TF: variants seen among roughly 807,000 people sequenced by gnomAD.
TF encodes the protein transferrin.
TF carries 55 observed loss-of-function variants against 82.4 expected under a neutral mutation model. That is an observed-to-expected ratio of 0.67 (90% CI 0.54 to 0.84). TF has a LOEUF of 0.84. TF is among the 40% of genes least tolerant of loss of function. The probability of loss-of-function intolerance (pLI) is 0.00; values close to 1 mark genes in which losing one functional copy is unlikely to be tolerated. For missense variants in TF, 737 were observed against 868.4 expected (o/e 0.85, Z 1.90); for synonymous variants, 332 against 332.6 (o/e 1.00, Z 0.02).
the TF span, among the ~76,000 whole-genome samples, chr3:133,689,142 A>G: frequency 6.6e-6 from 1 of 152,216 alleles, no homozygotes; most frequent in East Asian, 1.9e-4. Context: ...CCTGTCCAAC[A>G]TGGTGACACC....
the TF span, among the ~76,000 whole-genome samples, chr3:133,668,130 A>G: frequency 2.6e-5 from 4 of 152,210 alleles, no homozygotes; most frequent in East Asian, 7.7e-4. Context: ...GAGGTTGACA[A>G]TTACCACGTG....
the TF span, among the ~76,000 whole-genome samples, chr3:133,671,042 T>A: frequency 3.3e-4 from 50 of 152,294 alleles, no homozygotes; most frequent in African/African-American, 1.2e-3. Context: ...TGGCACAATT[T>A]GAAGTTCCAT....
chr3:133,705,621 A>G, the TF span, among the ~76,000 whole-genome samples: 1 of 152,206 alleles, frequency 6.6e-6, no homozygotes, highest in Admixed American at 6.5e-5. Context: ...CTGATACCCA[A>G]TGATACCTTG....
upstream of TF, among the ~76,000 whole-genome samples, chr3:133,741,709 A>G (rs1281092394): frequency 3.3e-5 from 5 of 152,226 alleles, no homozygotes; most frequent in Admixed American, 6.5e-5. Context: ...TTCCACTAAT[A>G]TGATATATTA....
At chr3:133,685,095 G>A in the TF span, among the ~76,000 whole-genome samples, 80,281 of 151,842 alleles carry the variant, frequency 0.53, 22,110 homozygotes, top group African/African-American at 0.69. Context: ...AGAACCAAAG[G>A]CAAAAACCAC....
intron 12 of TF, among the ~76,000 whole-genome samples, chr3:133,766,775 G>A (rs943450396): frequency 6.6e-6 from 1 of 152,120 alleles, no homozygotes; most frequent in African/African-American, 2.4e-5. Context: ...TCTATTCTGA[G>A]CATAAGACTT....
intron 16 of TF, chr3:133,777,493 A>G: frequency 2.0e-6 from 1 of 497,020 alleles, no homozygotes; most frequent in African/African-American, 1.9e-5. Context: ...TATTTCTAAG[A>G]AAAGGACTGG....
the TF span, among the ~76,000 whole-genome samples, chr3:133,694,776 C>G: frequency 6.6e-6 from 1 of 152,152 alleles, no homozygotes; most frequent in Non-Finnish European, 1.5e-5. Flanking sequence ...ACTCCATGCT[C>G]CATAAGAGAA....
chr3:133,697,008 G>A, the TF span, among the ~76,000 whole-genome samples: 9 of 152,128 alleles, frequency 5.9e-5, no homozygotes, highest in Admixed American at 2.6e-4. Flanking sequence ...TGCTACTTGA[G>A]GAGAATTTTA....
At chr3:133,711,911 T>G in the TF span, among the ~76,000 whole-genome samples, 3 of 152,124 alleles carry the variant, frequency 2.0e-5, no homozygotes, top group Admixed American at 6.5e-5. Flanking sequence ...AGGCTCTCTG[T>G]GCCGTGCCTC....
the TF span, among the ~76,000 whole-genome samples, chr3:133,682,842 A>G: frequency 1.3e-5 from 2 of 152,196 alleles, no homozygotes; most frequent in East Asian, 3.8e-4. Flanking sequence ...ATTCAAATTC[A>G]GGAAATACAG....
the TF span, among the ~76,000 whole-genome samples, chr3:133,718,029 G>A: frequency 8.5e-5 from 13 of 152,092 alleles, no homozygotes; most frequent in South Asian, 4.2e-4. Flanking sequence ...ATGGGAGCAC[G>A]TTTAATCATG....
intron 10 of TF, 53 bp from the exon 11 acceptor site, chr3:133,764,822 C>A: frequency 6.4e-7 from 1 of 1,574,212 alleles, no homozygotes; most frequent in South Asian, 1.1e-5. Flanking sequence ...GGCATGGTTT[C>A]CCAATCTATA....
chr3:133,743,021 C>T (rs1351056728), upstream of TF, among the ~76,000 whole-genome samples: 3 of 152,068 alleles, frequency 2.0e-5, no homozygotes, highest in African/African-American at 7.2e-5. Context: ...TTCTCTCTCA[C>T]CTCCCTCCCT....
At position 133,781,820 on chromosome 3, in the gene TF, A is replaced by C. The variant is rs1175908137; in HGVS notation, c.*3200A>C. On this transcript the variant is annotated 3_prime_UTR_variant, in exon 17 of 17. Transcript: ENST00000402696. ...AAAAATAAATAAATGGGACTACATC[A>C]AGCTGAAAAGCTTCTGCATAGCAAA... 6.6e-6 allele frequency: 1 copy of C among 152,228 alleles called. No individual in the cohort carries two copies. The highest frequency in any genetic ancestry group is 2.4e-5 in the African/African-American group (1 of 41,464). 9.4% of individuals were successfully genotyped at this position (152,228 alleles called of 1,614,324 possible).
In TF at chr3:133,779,009, C is replaced by T; in HGVS notation, c.*389C>T. 1 of 277,432 alleles carries T rather than the reference C, an allele frequency of 3.6e-6. No homozygotes were observed. The allele number at this position is 277,432 out of a possible 1,614,324, so 17.2% of individuals were successfully genotyped here. A position where few individuals can be genotyped will look rare whatever the true frequency, so the allele number is the denominator to read the frequency against. ...TCATTAAAATATAATCAAATGTATACTGGTGTGTGTGTGCACGTGCGCGTG... is the reference window on the plus strand; with the variant it reads ...TCATTAAAATATAATCAAATGTATATTGGTGTGTGTGTGCACGTGCGCGTG... On this transcript the variant is annotated 3_prime_UTR_variant, in exon 17 of 17. Transcript: ENST00000402696.
chr3:133,668,623 G>A, the TF span, among the ~76,000 whole-genome samples: 1 of 152,088 alleles, frequency 6.6e-6, no homozygotes, highest in African/African-American at 2.4e-5. Context: ...CTGGATTCTG[G>A]CAGAGACCAT....
chr3:133,716,630 G>A, the TF span, among the ~76,000 whole-genome samples: 2 of 152,068 alleles, frequency 1.3e-5, no homozygotes, highest in African/African-American at 4.8e-5. Context: ...AGGTCTCCAT[G>A]CATCTGTCTT....
At chr3:133,759,117 C>G in intron 8 of TF, 58 bp from the exon 9 acceptor site, 1 of 1,610,224 alleles carries the variant, frequency 6.2e-7, no homozygotes, top group Non-Finnish European at 8.5e-7. Context: ...GTAGTGCTGA[C>G]AAACACCAGG....
Sources: gnomAD v4.1 joint callset for allele counts (sites outside exome capture counted in the v4.1 genomes callset) on GRCh38, gnomAD v4.1.1 for gene constraint, MANE v1.5 for transcripts, NCBI Gene and HGNC (gene_info 2026-07-23, HGNC 2026-07-21) for gene names.